Variants in CNBD1 observed in about 807,000 individuals in gnomAD.
CNBD1 encodes the protein cyclic nucleotide-binding domain-containing protein 1.
CNBD1 carries 71 observed loss-of-function variants against 54.4 expected under a neutral mutation model. That is an observed-to-expected ratio of 1.30 (90% CI 1.08 to 1.59). The LOEUF (loss-of-function observed/expected upper bound fraction) is 1.59. Among genes scored for constraint, CNBD1 ranks in the 40% most tolerant of loss-of-function variants. CNBD1 has a pLI of 0.00. For synonymous variants in CNBD1, 182 were observed against 170.7 expected, an observed-to-expected ratio of 1.07 and a Z score of -0.51; for missense variants, 659 against 518.0, an observed-to-expected ratio of 1.27 and a Z score of -2.64.
chr8:87,170,210 T>C (rs1813056344), intron 4 of CNBD1, among the ~76,000 whole-genome samples: 1 of 152,158 alleles, frequency 6.6e-6, no homozygotes, highest in African/African-American at 2.4e-5. Context: ...TTCAGACTGT[T>C]CTCTGTTAGC....
chr8:87,259,646 A>C (rs1808095294), intron 6 of CNBD1, among the ~76,000 whole-genome samples: 2 of 152,182 alleles, frequency 1.3e-5, no homozygotes, highest in Non-Finnish European at 2.9e-5. Flanking sequence ...ACACAGACAG[A>C]CAGAACGAGA....
intron 4 of CNBD1, among the ~76,000 whole-genome samples, chr8:87,026,947 AC>A (rs1246033669): frequency 1.3e-5 from 2 of 152,180 alleles, no homozygotes; most frequent in African/African-American, 4.8e-5. Context: ...TAACACCCGG[AC>A]AAAAATGTAT....
intron 10 of CNBD1, among the ~76,000 whole-genome samples, chr8:87,361,969 T>G (rs1429926008): frequency 1.3e-5 from 2 of 152,070 alleles, no homozygotes; most frequent in Non-Finnish European, 2.9e-5. Flanking sequence ...ATGGAAGCAC[T>G]GAGATGAAAC....
At chr8:87,280,779 T>A (rs1267985034) in intron 6 of CNBD1, among the ~76,000 whole-genome samples, 1 of 151,590 alleles carries the variant, frequency 6.6e-6, no homozygotes, top group Non-Finnish European at 1.5e-5. Flanking sequence ...AGGGAGATTG[T>A]TCGGGTTATG....
At chr8:87,037,494 T>C (rs1006700280) in intron 4 of CNBD1, among the ~76,000 whole-genome samples, 3 of 152,154 alleles carry the variant, frequency 2.0e-5, no homozygotes. Flanking sequence ...TTGGCTCTCC[T>C]AAATTGATTA....
chr8:87,425,003 G>A (rs564042443), intron 2 of CNBD1, among the ~76,000 whole-genome samples: 13 of 152,062 alleles, frequency 8.5e-5, no homozygotes, highest in African/African-American at 1.2e-4. Flanking sequence ...CATATTTCTT[G>A]GAGGCTTTCC....
intron 4 of CNBD1, among the ~76,000 whole-genome samples, chr8:87,039,565 G>T (rs141924676): frequency 6.6e-6 from 1 of 152,078 alleles, no homozygotes; most frequent in Non-Finnish European, 1.5e-5. Flanking sequence ...TAAAAAAAAT[G>T]TATGTGTAGC....
At chr8:87,414,254 C>T (rs1807800159) in intron 2 of CNBD1, among the ~76,000 whole-genome samples, 1 of 151,958 alleles carries the variant, frequency 6.6e-6, no homozygotes, top group African/African-American at 2.4e-5. Flanking sequence ...TCATCATTCT[C>T]AGCAAACTAT....
chr8:87,358,318 A>G (rs1178453161), intron 10 of CNBD1, among the ~76,000 whole-genome samples: 1 of 152,208 alleles, frequency 6.6e-6, no homozygotes, highest in Non-Finnish European at 1.5e-5. Flanking sequence ...ATCTGAAATG[A>G]CATTTGTTAA....
At position 87,212,127 on chromosome 8, in the gene CNBD1, A is replaced by G. The variant is rs77444665; in HGVS notation, c.577+5989A>G. Among the ~76,000 whole-genome samples, 568 of 152,294 alleles carry G rather than the reference A, an allele frequency of 3.7e-3. 24 individuals carry two copies. In the East Asian group the frequency reaches 0.084, roughly 22 times the overall value. ...AGAAATTCAGTTCAATTTGCCAATA[A>G]CATCAAAAATATAACCTGCTTAGGA... is the stretch of plus-strand genomic sequence containing the variant. On this transcript the variant is annotated intron_variant, in intron 5 of 10. Transcript: ENST00000518476.
intron 10 of CNBD1, among the ~76,000 whole-genome samples, chr8:87,365,353 T>C (rs1417536514): frequency 3.3e-5 from 5 of 152,072 alleles, no homozygotes; most frequent in Non-Finnish European, 5.9e-5. Context: ...TTTTTGTTTT[T>C]TGCTTGTACA....
intron 2 of CNBD1, among the ~76,000 whole-genome samples, chr8:87,427,001 T>A (rs16868490): frequency 1.3e-5 from 2 of 152,190 alleles, no homozygotes; most frequent in African/African-American, 4.8e-5. Context: ...ATGTAAACTT[T>A]GGCTTGGGGC....
intron 4 of CNBD1, among the ~76,000 whole-genome samples, chr8:87,030,650 G>T (rs1436790377): frequency 1.3e-5 from 2 of 151,904 alleles, no homozygotes; most frequent in Non-Finnish European, 1.5e-5. Flanking sequence ...TTTATTCAGG[G>T]ATGCACTGTA....
intron 2 of CNBD1, among the ~76,000 whole-genome samples, chr8:86,902,645 G>T (rs1458494024): frequency 1.3e-5 from 2 of 151,848 alleles, no homozygotes; most frequent in Non-Finnish European, 2.9e-5. Flanking sequence ...GAGGAAGTTG[G>T]AGTTATTTTC....
intron 4 of CNBD1, among the ~76,000 whole-genome samples, chr8:87,101,831 G>C (rs556246150): frequency 1.3e-5 from 2 of 152,024 alleles, no homozygotes; most frequent in Non-Finnish European, 2.9e-5. Flanking sequence ...GCAGTGCTTT[G>C]AGGGGACAAT....
At chr8:87,029,812 T>A (rs555572677) in intron 4 of CNBD1, among the ~76,000 whole-genome samples, 1 of 152,300 alleles carries the variant, frequency 6.6e-6, no homozygotes, top group South Asian at 2.1e-4. Context: ...TTTGGTGTGA[T>A]TGTCAATATT....
At chr8:87,359,152 G>C (rs1165911123) in intron 10 of CNBD1, among the ~76,000 whole-genome samples, 2 of 152,124 alleles carry the variant, frequency 1.3e-5, no homozygotes, top group Admixed American at 6.6e-5. Flanking sequence ...AATCTCCTTT[G>C]TCATCTGGCA....
intron 4 of CNBD1, among the ~76,000 whole-genome samples, chr8:86,992,501 C>A (rs1808775816): frequency 6.6e-6 from 1 of 151,882 alleles, no homozygotes; most frequent in African/African-American, 2.4e-5. Flanking sequence ...AAATTTTGAT[C>A]CTATCATCAT....
At chr8:87,426,388 G>A (rs556090137) in intron 2 of CNBD1, among the ~76,000 whole-genome samples, 9 of 152,130 alleles carry the variant, frequency 5.9e-5, no homozygotes, top group Non-Finnish European at 1.3e-4. Context: ...ATCATGATCG[G>A]AGTAATGTAA....
Sources: gnomAD v4.1 joint callset for allele counts (sites outside exome capture counted in the v4.1 genomes callset) on GRCh38, gnomAD v4.1.1 for gene constraint, MANE v1.5 for transcripts, NCBI Gene and HGNC (gene_info 2026-07-23, HGNC 2026-07-21) for gene names.